The following PTPRM variants were observed in gnomAD, a reference collection of about 807,000 sequenced individuals.
PTPRM encodes receptor-type tyrosine-protein phosphatase mu.
In PTPRM, 47 loss-of-function variants were observed where a neutral mutation model predicts 186.7. The observed-to-expected ratio is 0.25, with a 90% confidence interval of 0.20 to 0.32. The LOEUF is 0.32. PTPRM is among the 10% of genes least tolerant of loss of function. PTPRM has a pLI of 1.00. For synonymous variants in PTPRM, 668 were observed against 674.9 expected, an observed-to-expected ratio of 0.99 and a Z score of 0.16; for missense variants, 1,494 against 1,865.0, an observed-to-expected ratio of 0.80 and a Z score of 3.66.
At chr18:8,342,894 T>C (rs2095483038) in intron 22 of PTPRM, among the ~76,000 whole-genome samples, 1 of 138,074 alleles carries the variant, frequency 7.2e-6, no homozygotes, top group Non-Finnish European at 1.7e-5. Context: ...TGCAACTGCT[T>C]AAAACTCTTA....
At chr18:7,867,175 T>C (rs1026781097) in intron 2 of PTPRM, among the ~76,000 whole-genome samples, 1 of 152,244 alleles carries the variant, frequency 6.6e-6, no homozygotes, top group African/African-American at 2.4e-5. Flanking sequence ...TGCCTTTTAA[T>C]TGGGGCATTT....
chr18:8,124,204 G>C (rs2092268254), intron 13 of PTPRM, among the ~76,000 whole-genome samples: 1 of 152,170 alleles, frequency 6.6e-6, no homozygotes, highest in South Asian at 2.1e-4. Flanking sequence ...AAATGATGGT[G>C]TATCAGAATA....
intron 1 of PTPRM, among the ~76,000 whole-genome samples, chr18:7,723,821 C>T (rs1288477020): frequency 6.6e-6 from 1 of 152,162 alleles, no homozygotes; most frequent in African/African-American, 2.4e-5. Context: ...GCCTTTTCCT[C>T]CTGTGTTACC....
chr18:7,766,537 T>A (rs1432932074), intron 1 of PTPRM, among the ~76,000 whole-genome samples: 1 of 152,186 alleles, frequency 6.6e-6, no homozygotes, highest in East Asian at 1.9e-4. Flanking sequence ...TAATGTGCCC[T>A]CTGATTGGCC....
chr18:7,905,203 A>G (rs1307211529), intron 3 of PTPRM, among the ~76,000 whole-genome samples: 1 of 152,116 alleles, frequency 6.6e-6, no homozygotes, highest in Non-Finnish European at 1.5e-5. Flanking sequence ...CATATTGGCC[A>G]GCTAGTCTCA....
chr18:8,401,791 C>T (rs1487493288), intron 32 of PTPRM, among the ~76,000 whole-genome samples: 1 of 152,250 alleles, frequency 6.6e-6, no homozygotes, highest in Non-Finnish European at 1.5e-5. Flanking sequence ...CTTTTAACAG[C>T]CAACCTCAAT....
intron 1 of PTPRM, among the ~76,000 whole-genome samples, chr18:7,624,145 T>C (rs2038004316): frequency 6.6e-6 from 1 of 152,198 alleles, no homozygotes; most frequent in Non-Finnish European, 1.5e-5. Flanking sequence ...GCAAAGTGAT[T>C]TGCCTGAGGC....
At chr18:7,770,284 C>T (rs930825860) in intron 1 of PTPRM, among the ~76,000 whole-genome samples, 21 of 152,168 alleles carry the variant, frequency 1.4e-4, no homozygotes. Context: ...ATTTGAAGAA[C>T]CTCACTAACT....
intron 14 of PTPRM, among the ~76,000 whole-genome samples, chr18:8,238,674 T>TTTTTG (rs1568578363): frequency 1.4e-5 from 2 of 142,326 alleles, no homozygotes; most frequent in Admixed American, 7.1e-5. Context: ...TTTTTTTTTT[T>TTTTTG]TTTTTTTTTT....
chr18:7,622,088 G>A (rs2037953399), intron 1 of PTPRM, among the ~76,000 whole-genome samples: 1 of 152,212 alleles, frequency 6.6e-6, no homozygotes, highest in Non-Finnish European at 1.5e-5. Flanking sequence ...AGTGATGAAT[G>A]AGGGTTCCTG....
intron 2 of PTPRM, among the ~76,000 whole-genome samples, chr18:7,782,075 C>T (rs941963999): frequency 6.6e-6 from 1 of 152,156 alleles, no homozygotes; most frequent in African/African-American, 2.4e-5. Context: ...AGTCTCTCAG[C>T]AGTTTCAAAA....
chr18:7,930,043 G>A (rs2051388170), intron 5 of PTPRM, among the ~76,000 whole-genome samples: 2 of 152,026 alleles, frequency 1.3e-5, no homozygotes. Context: ...TTTGTTTGGG[G>A]GTACATTGGT....
At chr18:8,077,247 T>C (rs1212195844) in intron 9 of PTPRM, among the ~76,000 whole-genome samples, 1 of 152,124 alleles carries the variant, frequency 6.6e-6, no homozygotes, top group East Asian at 1.9e-4. Flanking sequence ...TTTATTTGAA[T>C]GCAAATTCCA....
chr18:8,002,126 T>G (rs181145161), intron 7 of PTPRM, among the ~76,000 whole-genome samples: 56 of 152,308 alleles, frequency 3.7e-4, no homozygotes, highest in Admixed American at 1.4e-3. Flanking sequence ...CTATCTAGAT[T>G]TATGAAGCAC....
chr18:7,891,583 G>T (rs1245232106), intron 3 of PTPRM, among the ~76,000 whole-genome samples: 1 of 152,014 alleles, frequency 6.6e-6, no homozygotes, highest in Non-Finnish European at 1.5e-5. Context: ...AAGCAAGTGG[G>T]TGGCCGGGCG....
intron 1 of PTPRM, among the ~76,000 whole-genome samples, chr18:7,717,991 A>G (rs2040374340): frequency 6.6e-6 from 1 of 151,942 alleles, no homozygotes; most frequent in Non-Finnish European, 1.5e-5. Flanking sequence ...CCCTGTTGAG[A>G]GTCTCATGAA....
In PTPRM at chr18:8,384,723, T is replaced by C. The variant is rs376350012; in HGVS notation, c.4044+37T>C. 14 of 1,609,992 alleles carry C rather than the reference T, an allele frequency of 8.7e-6. No homozygotes were observed. The African/African-American group carries it at 1.5e-4, about 17-fold the overall frequency. Reference sequence around the variant, plus strand: ...GCCTGTCATGCCTGTGATTATGGTTTCATTTATTTTCTCACTCACTGAATA... The same window carrying C: ...GCCTGTCATGCCTGTGATTATGGTTCCATTTATTTTCTCACTCACTGAATA... On this transcript the variant is annotated intron_variant, in intron 30 of 32. Coordinates refer to ENST00000580170, the MANE Select transcript of PTPRM (RefSeq NM_001105244.2).
rs1598428922 is a variant in PTPRM, at chr18:7,568,961, A to G, written c.73+1070A>G. Among the ~76,000 whole-genome samples the G allele has an allele frequency of 6.6e-6, 1 of 152,238 alleles. No homozygotes were observed. Among genetic ancestry groups the G allele is most frequent in the African/African-American group, 2.4e-5 (1 of 41,554 alleles). ...TTAGATTAGTTTCATTAAGGTCCACATGCAGTGGGGGCGGTGGGCTTTCTT... is the reference window on the plus strand; with the variant it reads ...TTAGATTAGTTTCATTAAGGTCCACGTGCAGTGGGGGCGGTGGGCTTTCTT... On this transcript the variant is annotated intron_variant, in intron 1 of 32. Transcript: ENST00000580170. The surrounding 1 kb of genome is among the most constrained non-coding windows in gnomAD (Gnocchi z 5.1).
chr18:8,007,044 G>A (rs1288440648), intron 7 of PTPRM, among the ~76,000 whole-genome samples: 3 of 152,190 alleles, frequency 2.0e-5, no homozygotes, highest in Admixed American at 1.3e-4. Context: ...GTGTTAAACC[G>A]CATCATTCCC....
Sources: allele counts gnomAD v4.1 joint callset (sites outside exome capture counted in the v4.1 genomes callset), GRCh38; gene constraint gnomAD v4.1.1; non-coding constraint Gnocchi (gnomAD v3.1); transcripts MANE v1.5; gene names NCBI Gene and HGNC (gene_info 2026-07-23, HGNC 2026-07-21).